Variants in BMPER observed in about 807,000 individuals in gnomAD.
The protein encoded by BMPER is BMP binding endothelial regulator.
A neutral mutation model predicts 87.3 loss-of-function variants in BMPER; 45 were observed. That is an observed-to-expected ratio of 0.52 (90% CI 0.41 to 0.66). The LOEUF (loss-of-function observed/expected upper bound fraction) is 0.66, where lower values mean the gene tolerates loss of function less well. Among genes scored for constraint, BMPER ranks in the 30% least tolerant of loss-of-function variants. The probability of loss-of-function intolerance (pLI) is 0.00; values close to 1 mark genes in which losing one functional copy is unlikely to be tolerated. For missense variants in BMPER, 784 were observed against 867.5 expected (o/e 0.90, Z 1.21); for synonymous variants, 326 against 316.2 (o/e 1.03, Z -0.33).
rs1562695156 is a variant in BMPER at position 34,024,382 on chromosome 7, ACAATATATATATAT to A, written c.577-21923_577-21910del. Among the ~76,000 whole-genome samples, 33 of 52,574 alleles carry A rather than the reference ACAATATATATATAT, an allele frequency of 6.3e-4. 1 individual carries two copies. Among genetic ancestry groups the A allele is most frequent in the African/African-American group, 3.1e-3 (29 of 9,310 alleles). 34.5% of individuals were successfully genotyped at this position (52,574 alleles called of 152,430 possible). ...CAAAAAAAAAAAAAAAAAAAAAAAA[ACAATATATATATAT>A]ATATATATATATATATATATATATA... On this transcript the variant is annotated intron_variant, in intron 6 of 14. Transcript: ENST00000649409.
At chr7:34,122,132 A>G (rs1465373614) in intron 13 of BMPER, among the ~76,000 whole-genome samples, 1 of 151,930 alleles carries the variant, frequency 6.6e-6, no homozygotes, top group Non-Finnish European at 1.5e-5. Context: ...TGGGGCAGAA[A>G]TCTGTTCTAG....
At chr7:34,098,561 G>T (rs1036839938) in intron 13 of BMPER, among the ~76,000 whole-genome samples, 6 of 152,092 alleles carry the variant, frequency 3.9e-5, no homozygotes, top group Admixed American at 3.3e-4. Context: ...ATCTTACCTA[G>T]TGTTTGGAGT....
intron 13 of BMPER, among the ~76,000 whole-genome samples, chr7:34,131,943 G>A (rs1376814894): frequency 6.6e-6 from 1 of 152,190 alleles, no homozygotes; most frequent in Non-Finnish European, 1.5e-5. Flanking sequence ...TCTGTGCATG[G>A]ATGAATTTTG....
intron 13 of BMPER, among the ~76,000 whole-genome samples, chr7:34,090,427 C>T (rs769397822): frequency 1.3e-5 from 2 of 152,124 alleles, no homozygotes; most frequent in Non-Finnish European, 2.9e-5. Context: ...CTTCATGTCC[C>T]AGATGCCAAC....
At chr7:33,957,168 T>C (rs1188489741) in intron 3 of BMPER, among the ~76,000 whole-genome samples, 2 of 151,962 alleles carry the variant, frequency 1.3e-5, no homozygotes, top group Non-Finnish European at 2.9e-5. Flanking sequence ...CAGCTTTATT[T>C]GTAAAAGGTA....
At chr7:34,119,378 A>G (rs1345346) in intron 13 of BMPER, among the ~76,000 whole-genome samples, 116,085 of 152,118 alleles carry the variant, frequency 0.76, 44,887 homozygotes, top group East Asian at 0.95. Flanking sequence ...GAAATTTTGT[A>G]TTCTGCTTTT....
At chr7:34,152,986 GGAAACGTCCAT>G (rs1791217629) in intron 14 of BMPER, 95 bp from the exon 15 acceptor site, 1 of 1,293,380 alleles carries the variant, frequency 7.7e-7, no homozygotes, top group South Asian at 1.2e-5. Context: ...CCTGAGCTAT[GGAAACGTCCAT>G]GAAGTGTCAT....
intron 6 of BMPER, among the ~76,000 whole-genome samples, chr7:34,013,443 A>G (rs985322635): frequency 1.3e-5 from 2 of 151,726 alleles, no homozygotes; most frequent in African/African-American, 2.4e-5. Flanking sequence ...CCTTCTCTGT[A>G]CTATAATTTA....
intron 11 of BMPER, among the ~76,000 whole-genome samples, chr7:34,071,459 T>C (rs1419878744): frequency 2.6e-5 from 4 of 152,228 alleles, no homozygotes; most frequent in Admixed American, 1.3e-4. Flanking sequence ...AACACAAGAC[T>C]CTTCAAAGCA....
intron 6 of BMPER, among the ~76,000 whole-genome samples, chr7:34,016,194 G>A (rs904706228): frequency 6.6e-6 from 1 of 151,874 alleles, no homozygotes; most frequent in East Asian, 1.9e-4. Context: ...AAAATAATGC[G>A]ATGTTTGCCA....
At chr7:33,938,689 G>A (rs1057157995) in intron 3 of BMPER, among the ~76,000 whole-genome samples, 1 of 152,148 alleles carries the variant, frequency 6.6e-6, no homozygotes, top group African/African-American at 2.4e-5. Flanking sequence ...GTGAGTAGGG[G>A]GAGACATGGA....
intron 11 of BMPER, among the ~76,000 whole-genome samples, chr7:34,062,546 C>T (rs1788464404): frequency 6.6e-6 from 1 of 151,296 alleles, no homozygotes; most frequent in African/African-American, 2.4e-5. Context: ...AGTCATCGGG[C>T]TGATGGTTTT....
chr7:34,133,880 G>A (rs1437195616), intron 13 of BMPER, among the ~76,000 whole-genome samples: 1 of 152,128 alleles, frequency 6.6e-6, no homozygotes, highest in East Asian at 1.9e-4. Context: ...AAACAGTTTA[G>A]TTTTTCCTTT....
chr7:33,909,082 T>C (rs1783889860), intron 2 of BMPER, among the ~76,000 whole-genome samples: 1 of 152,224 alleles, frequency 6.6e-6, no homozygotes, highest in African/African-American at 2.4e-5. Context: ...TAAACATTTA[T>C]GTGTACTATT....
chr7:34,000,969 A>T (rs760398373), intron 6 of BMPER, among the ~76,000 whole-genome samples: 10 of 151,876 alleles, frequency 6.6e-5, no homozygotes, highest in Admixed American at 1.3e-4. Context: ...GTCCTTTTTT[A>T]TATTAACATG....
At chr7:34,033,093 G>C (rs940073617) in intron 6 of BMPER, among the ~76,000 whole-genome samples, 1 of 152,128 alleles carries the variant, frequency 6.6e-6, no homozygotes, top group Non-Finnish European at 1.5e-5. Flanking sequence ...TAATATAAAT[G>C]GGAGCTATTT....
chr7:34,081,829 A>C (rs957996021), intron 12 of BMPER, among the ~76,000 whole-genome samples: 9 of 152,078 alleles, frequency 5.9e-5, no homozygotes, highest in African/African-American at 2.2e-4. Context: ...AAAAACTATC[A>C]ATTTGTAAAC....
intron 13 of BMPER, among the ~76,000 whole-genome samples, chr7:34,128,640 G>T (rs1790464890): frequency 6.6e-6 from 1 of 152,156 alleles, no homozygotes; most frequent in Non-Finnish European, 1.5e-5. Flanking sequence ...ACATTTTTAT[G>T]TTATATAATG....
intron 3 of BMPER, chr7:33,939,988 T>C: frequency 3.4e-6 from 1 of 297,198 alleles, no homozygotes; most frequent in South Asian, 3.1e-5. Flanking sequence ...ACAGTCCTGT[T>C]CACTCTTAAA....
Sources: gnomAD v4.1 joint callset for allele counts (sites outside exome capture counted in the v4.1 genomes callset) on GRCh38, gnomAD v4.1.1 for gene constraint, MANE v1.5 for transcripts, NCBI Gene and HGNC (gene_info 2026-07-23, HGNC 2026-07-21) for gene names.